Variants in HIVEP3 observed in about 807,000 individuals in gnomAD.
The protein encoded by HIVEP3 is transcription factor HIVEP3.
HIVEP3 carries 49 observed loss-of-function variants against 152.8 expected under a neutral mutation model. That is an observed-to-expected ratio of 0.32 (90% CI 0.26 to 0.41). The LOEUF is 0.41. Among genes scored for constraint, HIVEP3 ranks in the 10% least tolerant of loss-of-function variants. The probability of loss-of-function intolerance (pLI) is 1.00; values close to 1 mark genes in which losing one functional copy is unlikely to be tolerated. For missense variants in HIVEP3, 2,790 were observed against 3,103.3 expected (o/e 0.90, Z 2.40); for synonymous variants, 1,269 against 1,289.0 (o/e 0.98, Z 0.33).
intron 1 of HIVEP3, among the ~76,000 whole-genome samples, chr1:41,870,366 C>T (rs140179792): frequency 5.4e-4 from 82 of 152,308 alleles, no homozygotes; most frequent in African/African-American, 1.9e-3. Flanking sequence ...CTCTTTTCAA[C>T]GTTGCAATTA....
At chr1:41,719,453 CAGCCCTAGTG>C (rs1323469247) in intron 1 of HIVEP3, among the ~76,000 whole-genome samples, 3 of 152,210 alleles carry the variant, frequency 2.0e-5, no homozygotes, top group Admixed American at 1.3e-4. Context: ...CAATTTTAGG[CAGCCCTAGTG>C]AGCCCTAGTG....
intron 5 of HIVEP3, among the ~76,000 whole-genome samples, chr1:41,556,125 G>C (rs1055478355): frequency 6.6e-6 from 1 of 152,148 alleles, no homozygotes; most frequent in South Asian, 2.1e-4. Context: ...CCTGATTTCG[G>C]TATTGGTGGT....
At chr1:41,537,647 G>T (rs1022708422) in intron 5 of HIVEP3, among the ~76,000 whole-genome samples, 1 of 152,236 alleles carries the variant, frequency 6.6e-6, no homozygotes, top group Admixed American at 6.5e-5. Context: ...ATATTCAGTG[G>T]CCAAGAGGTA....
intron 1 of HIVEP3, among the ~76,000 whole-genome samples, chr1:41,876,853 T>C (rs1242972537): frequency 2.6e-5 from 4 of 152,220 alleles, no homozygotes; most frequent in African/African-American, 4.8e-5. Context: ...ACTGGGTTTT[T>C]TGAGATGAGT....
intron 1 of HIVEP3, among the ~76,000 whole-genome samples, chr1:41,740,922 G>C (rs1425717603): frequency 6.6e-6 from 1 of 152,200 alleles, no homozygotes; most frequent in Non-Finnish European, 1.5e-5. Context: ...GGCAGGGGGT[G>C]GGGGCTCAGT....
At chr1:42,016,848 T>A (rs1013783751) in intron 1 of HIVEP3, among the ~76,000 whole-genome samples, 2 of 152,178 alleles carry the variant, frequency 1.3e-5, no homozygotes, top group African/African-American at 4.8e-5. Flanking sequence ...CCAGTTTCGA[T>A]ATTATAAAAA....
At chr1:41,968,850 C>G (rs1300906401) in intron 1 of HIVEP3, among the ~76,000 whole-genome samples, 1 of 152,216 alleles carries the variant, frequency 6.6e-6, no homozygotes, top group African/African-American at 2.4e-5. Context: ...TGATACACAA[C>G]TGCAGCAAAG....
chr1:41,616,885 C>T (rs1383752877), intron 3 of HIVEP3, among the ~76,000 whole-genome samples: 1 of 152,198 alleles, frequency 6.6e-6, no homozygotes, highest in Non-Finnish European at 1.5e-5. Flanking sequence ...CAGTTATAAG[C>T]ACCTCACATA....
chr1:41,757,026 C>T (rs6703158), intron 1 of HIVEP3, among the ~76,000 whole-genome samples: 14 of 151,558 alleles, frequency 9.2e-5, no homozygotes, highest in African/African-American at 2.7e-4. Flanking sequence ...AAGAGGAGGG[C>T]GGATCACTTG....
intron 1 of HIVEP3, among the ~76,000 whole-genome samples, chr1:41,882,137 T>C (rs909668071): frequency 2.0e-5 from 3 of 152,202 alleles, no homozygotes; most frequent in Non-Finnish European, 2.9e-5. Flanking sequence ...TTAAGGAATA[T>C]GTCCCTTTTC....
chr1:41,887,094 T>A (rs968001874), intron 1 of HIVEP3, among the ~76,000 whole-genome samples: 2 of 152,208 alleles, frequency 1.3e-5, no homozygotes, highest in Non-Finnish European at 2.9e-5. Flanking sequence ...TTGTCAGTCA[T>A]GCTAGAAGAA....
At chr1:41,993,681 C>T (rs1645377310) in intron 1 of HIVEP3, among the ~76,000 whole-genome samples, 1 of 151,892 alleles carries the variant, frequency 6.6e-6, no homozygotes, top group Admixed American at 6.6e-5. Flanking sequence ...AATCATGCTG[C>T]TATAAAGACA....
intron 5 of HIVEP3, among the ~76,000 whole-genome samples, chr1:41,558,879 G>A (rs149522929): frequency 5.9e-5 from 9 of 152,180 alleles, no homozygotes; most frequent in African/African-American, 2.2e-4. Context: ...GGCTCTTTTT[G>A]GCTCTCATGT....
intron 1 of HIVEP3, among the ~76,000 whole-genome samples, chr1:41,820,169 G>C (rs954095135): frequency 1.3e-5 from 2 of 152,300 alleles, no homozygotes; most frequent in African/African-American, 4.8e-5. Context: ...CAGTTGTAGA[G>C]AGAGTTATGT....
At chr1:41,618,475 T>A (rs2149139046) in intron 3 of HIVEP3, among the ~76,000 whole-genome samples, 1 of 152,334 alleles carries the variant, frequency 6.6e-6, no homozygotes, top group East Asian at 1.9e-4. Context: ...TCCTTGTGGC[T>A]CCTGGCAGCC....
intron 3 of HIVEP3, among the ~76,000 whole-genome samples, chr1:41,625,392 A>C (rs1645103342): frequency 6.6e-6 from 1 of 152,176 alleles, no homozygotes; most frequent in Non-Finnish European, 1.5e-5. Flanking sequence ...ATGCATTTAA[A>C]AAACGGTGTG....
chr1:41,883,324 C>T (rs768418575), intron 1 of HIVEP3, among the ~76,000 whole-genome samples: 23 of 152,196 alleles, frequency 1.5e-4, no homozygotes, highest in South Asian at 8.3e-4. Context: ...GCTGGGAAAA[C>T]GGCCTGGACA....
intron 3 of HIVEP3, among the ~76,000 whole-genome samples, chr1:41,591,687 T>C (rs1644590346): frequency 6.6e-6 from 1 of 151,794 alleles, no homozygotes; most frequent in South Asian, 2.1e-4. Context: ...GTCACTGGAT[T>C]TTCATGAGAT....
intron 5 of HIVEP3, among the ~76,000 whole-genome samples, chr1:41,555,891 CTTTT>C (rs2149084574): frequency 6.6e-6 from 1 of 152,280 alleles, no homozygotes; most frequent in South Asian, 2.1e-4. Flanking sequence ...AGTATCTGTC[CTTTT>C]TCGTGACTGG....
Sources: gnomAD v4.1 joint callset for allele counts (sites outside exome capture counted in the v4.1 genomes callset) on GRCh38, gnomAD v4.1.1 for gene constraint, MANE v1.5 for transcripts, NCBI Gene and HGNC (gene_info 2026-07-23, HGNC 2026-07-21) for gene names.